PCDHGA6: variants seen among roughly 807,000 people sequenced by gnomAD.
PCDHGA6 encodes protocadherin gamma subfamily A, 6, also known as protocadherin gamma-A6.
In PCDHGA6, 41 loss-of-function variants were observed where a neutral mutation model predicts 60.6. That is an observed-to-expected ratio of 0.68 (90% CI 0.53 to 0.88). The LOEUF is 0.88. Ranked by LOEUF, PCDHGA6 falls within the 40% of genes least tolerant of loss-of-function variation. The probability of loss-of-function intolerance (pLI) is 0.00; values close to 1 mark genes in which losing one functional copy is unlikely to be tolerated. For missense variants in PCDHGA6, 1,312 were observed against 1,203.0 expected (o/e 1.09, Z -1.34); for synonymous variants, 594 against 524.4 (o/e 1.13, Z -1.81).
At chr5:141,501,318 C>T (rs1273608837) in intron 2 of PCDHGA6, among the ~76,000 whole-genome samples, 1 of 151,766 alleles carries the variant, frequency 6.6e-6, no homozygotes, top group African/African-American at 2.4e-5. Flanking sequence ...CACACACACA[C>T]ACACACACAC....
At position 141,490,735 on chromosome 5, in the gene PCDHGA6, C is replaced by T; in HGVS notation, c.2425-4072C>T. The T allele has an allele frequency of 2.5e-6, 4 of 1,614,194 alleles. No individual in the cohort carries two copies. Among genetic ancestry groups the T allele is most frequent in the Non-Finnish European group, 2.5e-6 (3 of 1,180,018 alleles). ...CTACTCCATTGTAGGAAATCAGGTTCAGGGAGCCCCAGCCTCCTCCTTTGT... is the reference window on the plus strand; with the variant it reads ...CTACTCCATTGTAGGAAATCAGGTTTAGGGAGCCCCAGCCTCCTCCTTTGT... On this transcript the variant is annotated intron_variant, in intron 1 of 3. Transcript: ENST00000517434. This position sits in a 1 kb window ranked among gnomAD's most constrained non-coding sequence, Gnocchi z 5.4.
chr5:141,470,742 G>T (rs2099238719), intron 1 of PCDHGA6, among the ~76,000 whole-genome samples: 1 of 152,066 alleles, frequency 6.6e-6, no homozygotes, highest in African/African-American at 2.4e-5. Flanking sequence ...CTGTCGCCCT[G>T]GCTGGAGTGC....
intron 1 of PCDHGA6, 124 bp from the exon 2 acceptor site, chr5:141,494,683 C>G: frequency 6.4e-7 from 1 of 1,569,074 alleles, no homozygotes; most frequent in Non-Finnish European, 8.7e-7. Context: ...CCCCTGCCCC[C>G]TCTTAGTCCG....
chr5:141,485,444 G>A lies in PCDHGA6; in HGVS notation c.2425-9363G>A. 1 of 1,614,110 alleles carries A rather than the reference G, an allele frequency of 6.2e-7. No individual in the cohort carries two copies. Among genetic ancestry groups the A allele is most frequent in the Non-Finnish European group, 8.5e-7 (1 of 1,180,020 alleles). On this transcript the variant is annotated intron_variant, in intron 1 of 3. Coordinates refer to ENST00000517434, the MANE Select transcript of PCDHGA6 (RefSeq NM_018919.3). This position sits in a 1 kb window ranked among gnomAD's most constrained non-coding sequence, Gnocchi z 5.7. ...AGCCCTGCTCATCAAGAACCCAATC[G>A]ACCGAGAGGCACTGTGTGGGCTCAG...
intron 2 of PCDHGA6, among the ~76,000 whole-genome samples, chr5:141,502,067 CCTTCACCTGGGG>C (rs1307097799): frequency 6.6e-6 from 1 of 152,172 alleles, no homozygotes; most frequent in Non-Finnish European, 1.5e-5. Flanking sequence ...CCATTAGCCC[CCTTCACCTGGGG>C]CTGAGAACAC....
intron 1 of PCDHGA6, among the ~76,000 whole-genome samples, chr5:141,450,006 C>CTATTTT (rs70988802): frequency 0.12 from 16,177 of 132,696 alleles, 1,810 homozygotes; most frequent in African/African-American, 0.21. Flanking sequence ...TGCCATGTCT[C>CTATTTT]TTTTTTTTTT....
intron 1 of PCDHGA6, chr5:141,426,796 T>C (rs1053668481): frequency 8.8e-6 from 4 of 456,720 alleles, no homozygotes. Context: ...AGTTACCAGC[T>C]CAGTTCTAAT....
At chr5:141,454,931 C>T (rs2154564856) in intron 1 of PCDHGA6, among the ~76,000 whole-genome samples, 2 of 151,066 alleles carry the variant, frequency 1.3e-5, no homozygotes, top group South Asian at 4.2e-4. Context: ...CCTCAGCCTC[C>T]CGAGTAGCTG....
intron 1 of PCDHGA6, among the ~76,000 whole-genome samples, chr5:141,425,820 C>T (rs978139996): frequency 6.6e-6 from 1 of 152,156 alleles, no homozygotes; most frequent in Admixed American, 6.5e-5. Flanking sequence ...TAGAAAAAAA[C>T]AAACTTTTAA....
rs771356119 is a variant in PCDHGA6 at position 141,385,251 on chromosome 5, C to G, written c.2424+8744C>G. Reference sequence around the variant, plus strand: ...TAGACATGCTCATCAGCCAGGAGAGCTGTGAGAAAAATGATTCTTTGCTAA... The same window carrying G: ...TAGACATGCTCATCAGCCAGGAGAGGTGTGAGAAAAATGATTCTTTGCTAA... On this transcript the variant is annotated intron_variant, in intron 1 of 3. Coordinates refer to ENST00000517434, the MANE Select transcript of PCDHGA6 (RefSeq NM_018919.3). The G allele has an allele frequency of 1.2e-5, 19 of 1,613,660 alleles. No individual in the cohort carries two copies. The Admixed American group carries it at 1.8e-4, about 16-fold the overall frequency.
chr5:141,503,221 C>A (rs528636727), intron 2 of PCDHGA6, among the ~76,000 whole-genome samples: 2 of 151,956 alleles, frequency 1.3e-5, no homozygotes, highest in Non-Finnish European at 2.9e-5. Context: ...CCATGAGCAC[C>A]GTAAAGATGG....
Position 141,476,024 on chromosome 5 carries a change from C to T in PCDHGA6, c.2425-18783C>T. ...ATCCAGAAAGCCATGTCGGACTCGG[C>T]GCCCAGCGCCCAAGCGCTAACCCGC... On this transcript the variant is annotated intron_variant, in intron 1 of 3. Coordinates refer to ENST00000517434, the MANE Select transcript of PCDHGA6 (RefSeq NM_018919.3). The surrounding 1 kb of genome is among the most constrained non-coding windows in gnomAD (Gnocchi z 7.6). The T allele has an allele frequency of 1.4e-6, 2 of 1,416,548 alleles. No individual in the cohort carries two copies. Among genetic ancestry groups the T allele is most frequent in the Non-Finnish European group, 9.5e-7 (1 of 1,058,066 alleles). 87.7% of individuals were successfully genotyped at this position (1,416,548 alleles called of 1,614,324 possible).
chr5:141,447,048 A>T (rs149112101), intron 1 of PCDHGA6, among the ~76,000 whole-genome samples: 1 of 152,066 alleles, frequency 6.6e-6, no homozygotes, highest in Non-Finnish European at 1.5e-5. Flanking sequence ...CTGGAATTCT[A>T]TTAAAATGTG....
intron 1 of PCDHGA6, among the ~76,000 whole-genome samples, chr5:141,402,210 TTAAAA>T (rs1240114840): frequency 6.6e-6 from 1 of 152,008 alleles, no homozygotes; most frequent in African/African-American, 2.4e-5. Context: ...ATACAAAAAT[TTAAAA>T]TAAACGTTTT....
chr5:141,433,245 A>C, intron 1 of PCDHGA6: 3 of 1,459,776 alleles, frequency 2.1e-6, no homozygotes, highest in Non-Finnish European at 2.8e-6. Context: ...CCAAGCTGGA[A>C]TGCAGCGGTA....
chr5:141,393,452 G>T lies in PCDHGA6; in HGVS notation c.2424+16945G>T, dbSNP rs189963623. 9.0e-3 allele frequency: 14,601 copies of T among 1,614,028 alleles called. 101 individuals are homozygous for T. The highest frequency in any genetic ancestry group is 0.01 in the Non-Finnish European group (11,851 of 1,179,906). ...AGGCTGCTCACCACCTGGTCCTCACGGCCTCGGATGGCGGCAAGCCGCCTC... is the reference window on the plus strand; with the variant it reads ...AGGCTGCTCACCACCTGGTCCTCACTGCCTCGGATGGCGGCAAGCCGCCTC... On this transcript the variant is annotated intron_variant, in intron 1 of 3. Coordinates refer to ENST00000517434, the MANE Select transcript of PCDHGA6 (RefSeq NM_018919.3).
At chr5:141,507,531 C>T (rs1467914007) in intron 3 of PCDHGA6, among the ~76,000 whole-genome samples, 3 of 151,964 alleles carry the variant, frequency 2.0e-5, no homozygotes, top group African/African-American at 7.2e-5. Flanking sequence ...CCAGAGAGGC[C>T]AGAGACTGAG....
chr5:141,401,841 CACTT>C (rs1043132396), intron 1 of PCDHGA6, among the ~76,000 whole-genome samples: 6 of 152,114 alleles, frequency 3.9e-5, no homozygotes, highest in Non-Finnish European at 8.8e-5. Flanking sequence ...CTTATAATAC[CACTT>C]ACTTTTAACC....
intron 1 of PCDHGA6, chr5:141,399,841 G>C: frequency 6.2e-7 from 1 of 1,613,086 alleles, no homozygotes; most frequent in Non-Finnish European, 8.5e-7. Context: ...TGCGCTCTTC[G>C]ATATGGTGCC....
Sources: allele counts gnomAD v4.1 joint callset (sites outside exome capture counted in the v4.1 genomes callset), GRCh38; gene constraint gnomAD v4.1.1; non-coding constraint Gnocchi (gnomAD v3.1); transcripts MANE v1.5; gene names NCBI Gene and HGNC (gene_info 2026-07-23, HGNC 2026-07-21).